The following MDH1B variants were observed in gnomAD, a reference collection of about 807,000 sequenced individuals.
The protein encoded by MDH1B is malate dehydrogenase 1B.
A neutral mutation model predicts 61.4 loss-of-function variants in MDH1B; 60 were observed. The observed-to-expected ratio is 0.98, with a 90% CI of 0.79 to 1.21. MDH1B has a LOEUF of 1.21. Among genes scored for constraint, MDH1B ranks in the 50% most tolerant of loss-of-function variants. The probability of loss-of-function intolerance (pLI) is 0.00; values close to 1 mark genes in which losing one functional copy is unlikely to be tolerated. For missense variants in MDH1B, 587 were observed against 632.1 expected (o/e 0.93, Z 0.76); for synonymous variants, 236 against 218.7 (o/e 1.08, Z -0.70).
chr2:206,751,130 A>T lies in MDH1B; in HGVS notation c.911-55T>A, dbSNP rs1009081248. The T allele has an allele frequency of 7.5e-6, 10 of 1,330,070 alleles. No homozygotes were observed. In the South Asian group the frequency reaches 1.7e-4, roughly 22 times the overall value. 82.4% of individuals were successfully genotyped at this position (1,330,070 alleles called of 1,614,324 possible). A position where few individuals can be genotyped will look rare whatever the true frequency, so the allele number is the denominator to read the frequency against. Reference sequence around the variant, plus strand: ...ATAATAATGTATGTTAATATAAAAAATTGCCTGAAGCCTATTTTTTGTTTG... The same window carrying T: ...ATAATAATGTATGTTAATATAAAAATTTGCCTGAAGCCTATTTTTTGTTTG... On this transcript the variant is annotated intron_variant, in intron 5 of 11. Coordinates refer to ENST00000374412, the MANE Select transcript of MDH1B (RefSeq NM_001039845.3).
chr2:206,751,142 C>T, intron 5 of MDH1B, 67 bp from the exon 6 acceptor site: 1 of 1,205,472 alleles, frequency 8.3e-7, no homozygotes, highest in Non-Finnish European at 1.1e-6. Context: ...TGCCTGAAGC[C>T]TATTTTTTGT....
chr2:206,759,056 T>G (rs1574648188), intron 2 of MDH1B, among the ~76,000 whole-genome samples: 1 of 117,842 alleles, frequency 8.5e-6, no homozygotes, highest in Admixed American at 7.7e-5. Flanking sequence ...CATGGGGGTT[T>G]GTTTTACAAA....
intron 2 of MDH1B, 73 bp downstream of exon 2, chr2:206,760,828 C>A: frequency 1.2e-6 from 1 of 825,998 alleles, no homozygotes; most frequent in Admixed American, 1.9e-5. Context: ...GTCTAATACA[C>A]CAGTTAATAT....
At chr2:206,760,831 G>A (rs1689048508) in intron 2 of MDH1B, 70 bp downstream of exon 2, 1 of 865,220 alleles carries the variant, frequency 1.2e-6, no homozygotes, top group Non-Finnish European at 1.9e-6. Context: ...TAATACACCA[G>A]TTAATATTTA....
intron 9 of MDH1B, among the ~76,000 whole-genome samples, chr2:206,742,189 G>C (rs1687851388): frequency 6.6e-6 from 1 of 152,188 alleles, no homozygotes; most frequent in Non-Finnish European, 1.5e-5. Flanking sequence ...CTCCTGTAGA[G>C]AAAGAGCTGA....
intron 5 of MDH1B, among the ~76,000 whole-genome samples, chr2:206,754,134 T>C (rs1688615419): frequency 6.6e-6 from 1 of 152,208 alleles, no homozygotes; most frequent in South Asian, 2.1e-4. Flanking sequence ...AGTTTCATTG[T>C]AACAAAAAAG....
intron 10 of MDH1B, 71 bp downstream of exon 10, chr2:206,740,983 C>G: frequency 6.3e-7 from 1 of 1,595,216 alleles, no homozygotes; most frequent in South Asian, 1.1e-5. Flanking sequence ...TAACATTATT[C>G]TCTAACAACT....
intron 4 of MDH1B, among the ~76,000 whole-genome samples, chr2:206,756,317 A>G (rs1439118735): frequency 1.3e-5 from 2 of 152,210 alleles, no homozygotes; most frequent in African/African-American, 4.8e-5. Flanking sequence ...ATATTAGGAT[A>G]CACATGCACG....
At chr2:206,762,183 T>C (rs1689138536) in intron 1 of MDH1B, among the ~76,000 whole-genome samples, 1 of 152,160 alleles carries the variant, frequency 6.6e-6, no homozygotes, top group South Asian at 2.1e-4. Context: ...TATTCCAGTC[T>C]TTTTCCTCTT....
intron 5 of MDH1B, among the ~76,000 whole-genome samples, chr2:206,753,270 A>G (rs1002697884): frequency 6.6e-6 from 1 of 152,178 alleles, no homozygotes; most frequent in Non-Finnish European, 1.5e-5. Flanking sequence ...TGGGGAAAAA[A>G]GTTCTCTACT....
chr2:206,739,332 C>A (rs913069622), intron 11 of MDH1B, among the ~76,000 whole-genome samples: 5 of 151,824 alleles, frequency 3.3e-5, no homozygotes, highest in Admixed American at 6.6e-5. Flanking sequence ...GGGAGGGGCA[C>A]AAATCTAGGA....
chr2:206,755,836 T>C (rs947793546), intron 4 of MDH1B, among the ~76,000 whole-genome samples: 11 of 151,930 alleles, frequency 7.2e-5, no homozygotes, highest in African/African-American at 2.7e-4. Context: ...TTATATTTCC[T>C]CCTAAAAAGA....
chr2:206,757,917 A>C (rs1688857064), intron 2 of MDH1B, among the ~76,000 whole-genome samples: 1 of 152,218 alleles, frequency 6.6e-6, no homozygotes, highest in Non-Finnish European at 1.5e-5. Context: ...CAATGACAAG[A>C]TCTGAGTACA....
At chr2:206,741,210 G>C in intron 9 of MDH1B, 106 bp from the exon 10 acceptor site, 1 of 1,455,344 alleles carries the variant, frequency 6.9e-7, no homozygotes, top group Non-Finnish European at 9.4e-7. Context: ...CAGTGACTAT[G>C]ACCCACAATA....
intron 2 of MDH1B, among the ~76,000 whole-genome samples, chr2:206,758,941 C>T (rs1413672557): frequency 6.6e-6 from 1 of 150,726 alleles, no homozygotes; most frequent in Non-Finnish European, 1.5e-5. Context: ...GTGTGGCTGT[C>T]CGTTCTAGGC....
At chr2:206,754,976 T>TA (rs756942416) in intron 5 of MDH1B, 33 bp downstream of exon 5, 92 of 1,589,492 alleles carry the variant, frequency 5.8e-5, no homozygotes, top group Non-Finnish European at 6.7e-5. Context: ...TGTTTCAAAA[T>TA]AAAAACAAAA....
chr2:206,756,743 A>G, intron 4 of MDH1B, 155 bp downstream of exon 4: 1 of 672,866 alleles, frequency 1.5e-6, no homozygotes, highest in Non-Finnish European at 2.5e-6. Flanking sequence ...ACACACAGAG[A>G]TGCATATGTA....
At chr2:206,748,906 C>T in intron 7 of MDH1B, 114 bp downstream of exon 7, 1 of 808,318 alleles carries the variant, frequency 1.2e-6, no homozygotes, top group Non-Finnish European at 1.9e-6. Flanking sequence ...TTGTAAAAGT[C>T]CAGGCAGCTA....
rs762044558 is a variant in MDH1B at position 206,765,293 on chromosome 2, A to G, written c.-22T>C. 3 of 1,589,860 alleles carry G rather than the reference A, an allele frequency of 1.9e-6. No individual in the cohort carries two copies. The African/African-American group carries it at 4.1e-5, about 22-fold the overall frequency. On this transcript the variant is annotated 5_prime_UTR_variant, in exon 1 of 12. Transcript: ENST00000374412. ...CCATGGTCGAGAGAGACTCAGAGGCAGGGACCGCGGCTTCGCGGTTTCCTG... is the reference window on the plus strand; with the variant it reads ...CCATGGTCGAGAGAGACTCAGAGGCGGGGACCGCGGCTTCGCGGTTTCCTG...
Sources: allele counts gnomAD v4.1 joint callset (sites outside exome capture counted in the v4.1 genomes callset), GRCh38; gene constraint gnomAD v4.1.1; transcripts MANE v1.5; gene names NCBI Gene and HGNC (gene_info 2026-07-23, HGNC 2026-07-21).